The following SCN11A variants were observed in gnomAD, a reference collection of about 807,000 sequenced individuals.
SCN11A encodes sodium voltage-gated channel alpha subunit 11.
SCN11A carries 122 observed loss-of-function variants against 162.2 expected under a neutral mutation model. The ratio of observed to expected loss-of-function variants is 0.75; its 90% CI spans 0.65 to 0.87. SCN11A has a LOEUF of 0.87. Ranked by LOEUF, SCN11A falls within the 40% of genes least tolerant of loss-of-function variation. SCN11A has a pLI of 0.00. For synonymous variants in SCN11A, 758 were observed against 751.5 expected (o/e 1.01, Z -0.14); for missense variants, 2,015 against 2,181.6 (o/e 0.92, Z 1.52).
intron 19 of SCN11A, 129 bp downstream of exon 19, chr3:38,894,404 G>T (rs945359021): frequency 1.7e-5 from 13 of 745,452 alleles, no homozygotes; most frequent in Non-Finnish European, 2.5e-5. Context: ...GTGCACATGG[G>T]TATCAAAGGG....
intron 2 of SCN11A, among the ~76,000 whole-genome samples, chr3:39,004,438 T>C (rs2030909141): frequency 6.6e-6 from 1 of 152,214 alleles, no homozygotes; most frequent in South Asian, 2.1e-4. Flanking sequence ...GTAGTATAGT[T>C]TGAAGTTGGG....
At chr3:38,870,842 A>G in intron 25 of SCN11A, 98 bp from the exon 26 acceptor site, 1 of 930,346 alleles carries the variant, frequency 1.1e-6, no homozygotes, top group East Asian at 2.4e-5. Context: ...TGGGCTGAAT[A>G]TATAAGATGA....
chr3:39,017,013 T>C (rs976539967), intron 2 of SCN11A, among the ~76,000 whole-genome samples: 5 of 152,186 alleles, frequency 3.3e-5, no homozygotes, highest in Admixed American at 6.5e-5. Context: ...CTGACTGTGT[T>C]CCCCTCAAAT....
At chr3:38,943,356 C>T (rs1423634704) in intron 7 of SCN11A, among the ~76,000 whole-genome samples, 2 of 151,988 alleles carry the variant, frequency 1.3e-5, no homozygotes, top group African/African-American at 4.8e-5. Flanking sequence ...AGGCATGAGA[C>T]GTTTTGGGGG....
intron 17 of SCN11A, among the ~76,000 whole-genome samples, chr3:38,897,583 G>A (rs2065626421): frequency 1.3e-5 from 2 of 152,116 alleles, no homozygotes; most frequent in African/African-American, 2.4e-5. Context: ...GGGCATGGTG[G>A]CGCATGCCTG....
At chr3:38,881,175 T>C (rs191174098) in intron 22 of SCN11A, among the ~76,000 whole-genome samples, 201 of 152,362 alleles carry the variant, frequency 1.3e-3, no homozygotes, top group Non-Finnish European at 1.9e-3. Flanking sequence ...ATATTTTCTA[T>C]AGGAAACTGT....
intron 2 of SCN11A, among the ~76,000 whole-genome samples, chr3:38,983,959 C>T (rs1040168716): frequency 1.3e-5 from 2 of 152,140 alleles, no homozygotes; most frequent in East Asian, 3.8e-4. Flanking sequence ...TAATGATCAC[C>T]TCATTGATTT....
intron 2 of SCN11A, among the ~76,000 whole-genome samples, chr3:39,025,406 G>C (rs2031563183): frequency 1.3e-5 from 2 of 152,342 alleles, no homozygotes; most frequent in Admixed American, 1.3e-4. Context: ...TCCCTAGACA[G>C]AGGAACAGCA....
chr3:38,850,386 G>C, intron 29 of SCN11A, 95 bp downstream of exon 29: 1 of 1,160,228 alleles, frequency 8.6e-7, no homozygotes, highest in Non-Finnish European at 1.2e-6. Flanking sequence ...CCAGTTTTCT[G>C]CTTTGTGGAT....
intron 2 of SCN11A, among the ~76,000 whole-genome samples, chr3:39,014,384 G>A (rs1455686278): frequency 6.6e-6 from 1 of 152,202 alleles, no homozygotes; most frequent in Non-Finnish European, 1.5e-5. Flanking sequence ...TTGCAAACAG[G>A]TTATTAATTG....
In SCN11A at chr3:38,850,726, T is replaced by A. The variant is rs751394907; in HGVS notation, c.4082A>T (p.Asp1361Val). The change falls in exon 29 of 30, where the codon GAC becomes GTC. Residue 1361 changes from aspartate to valine, a missense_variant. By Grantham distance (152) the Asp-to-Val change is radical (BLOSUM62 -3). Transcript: ENST00000302328. Reference sequence around the variant, plus strand: ...GTCAAAGATCTGGCTTGTGACTATGTCGAACACGAGACCTTGACATTTGTT... The same window carrying A: ...GTCAAAGATCTGGCTTGTGACTATGACGAACACGAGACCTTGACATTTGTT... ...PLNKCQGLVF[D>V]IVTSQIFDII... 2 of 1,610,506 alleles carry A rather than the reference T, an allele frequency of 1.2e-6. No individual in the cohort carries two copies. The highest frequency in any genetic ancestry group is 1.7e-6 in the Non-Finnish European group (2 of 1,178,008).
chr3:38,863,436 C>T (rs2064996807), intron 27 of SCN11A, 137 bp from the exon 28 acceptor site: 1 of 576,108 alleles, frequency 1.7e-6, no homozygotes, highest in Non-Finnish European at 3.1e-6. Context: ...GCTTAAGAGA[C>T]TGGACCATAG....
At chr3:39,013,644 C>A (rs1380165158) in intron 2 of SCN11A, among the ~76,000 whole-genome samples, 1 of 152,216 alleles carries the variant, frequency 6.6e-6, no homozygotes, top group African/African-American at 2.4e-5. Context: ...TCTGCCCATA[C>A]TTAACTCTCA....
chr3:38,928,231 T>C (rs2066174458), intron 7 of SCN11A, among the ~76,000 whole-genome samples: 1 of 152,188 alleles, frequency 6.6e-6, no homozygotes, highest in Non-Finnish European at 1.5e-5. Flanking sequence ...GTCATATACC[T>C]AACAAGGGGT....
chr3:38,923,822 G>C (rs2066092395), intron 9 of SCN11A, among the ~76,000 whole-genome samples: 1 of 152,162 alleles, frequency 6.6e-6, no homozygotes, highest in African/African-American at 2.4e-5. Context: ...TGGGCAGGGA[G>C]AAACTTCAGA....
intron 19 of SCN11A, 36 bp downstream of exon 19, chr3:38,894,497 T>C: frequency 6.6e-7 from 1 of 1,520,372 alleles, no homozygotes; most frequent in Non-Finnish European, 8.9e-7. Context: ...ACTCCAGCTT[T>C]GTATGACCTT....
At chr3:39,043,931 G>T (rs1344057952) in intron 1 of SCN11A, among the ~76,000 whole-genome samples, 2 of 152,072 alleles carry the variant, frequency 1.3e-5, no homozygotes, top group African/African-American at 4.8e-5. Context: ...ACCATGCATT[G>T]CCTGCCTGTC....
chr3:38,999,542 C>T (rs899997382), intron 2 of SCN11A, among the ~76,000 whole-genome samples: 1 of 139,648 alleles, frequency 7.2e-6, no homozygotes, highest in Admixed American at 6.8e-5. Context: ...CAATTGTAAT[C>T]AAACTCTGCC....
At chr3:38,863,466 A>G (rs1006983097) in intron 27 of SCN11A, among the ~76,000 whole-genome samples, 167 bp from the exon 28 acceptor site, 1 of 152,148 alleles carries the variant, frequency 6.6e-6, no homozygotes, top group Non-Finnish European at 1.5e-5. Flanking sequence ...GTAAAGAAAC[A>G]AGATTTAAGT....
Sources: gnomAD v4.1 joint callset for allele counts (sites outside exome capture counted in the v4.1 genomes callset) on GRCh38, gnomAD v4.1.1 for gene constraint, MANE v1.5 for transcripts, NCBI Gene and HGNC (gene_info 2026-07-23, HGNC 2026-07-21) for gene names.